Variants in PDE1A observed in about 807,000 individuals in gnomAD.
PDE1A encodes the protein phosphodiesterase 1A, also known as dual specificity calcium/calmodulin-dependent 3',5'-cyclic nucleotide phosphodiesterase 1A.
PDE1A carries 35 observed loss-of-function variants against 61.7 expected under a neutral mutation model. That is an observed-to-expected ratio of 0.57 (90% confidence interval 0.43 to 0.75). The LOEUF is 0.75. PDE1A is among the 30% of genes least tolerant of loss of function. The probability of loss-of-function intolerance (pLI) is 0.00; values close to 1 mark genes in which losing one functional copy is unlikely to be tolerated. For missense variants in PDE1A, 597 were observed against 630.6 expected (o/e 0.95, Z 0.57); for synonymous variants, 232 against 213.2 (o/e 1.09, Z -0.77).
At chr2:182,502,727 T>G (rs1689156527) in intron 2 of PDE1A, among the ~76,000 whole-genome samples, 1 of 152,080 alleles carries the variant, frequency 6.6e-6, no homozygotes. Flanking sequence ...AAATCAGACT[T>G]TTTTCATTTG....
At chr2:182,494,997 C>T (rs1688624049) in intron 2 of PDE1A, among the ~76,000 whole-genome samples, 1 of 152,160 alleles carries the variant, frequency 6.6e-6, no homozygotes, top group African/African-American at 2.4e-5. Flanking sequence ...CCATTAAGGA[C>T]TCCCTTTCTC....
the PDE1A span, among the ~76,000 whole-genome samples, chr2:182,620,175 A>ATTTC: frequency 7.9e-6 from 1 of 126,102 alleles, no homozygotes; most frequent in Admixed American, 9.5e-5. Context: ...TTTAAAATGT[A>ATTTC]TTTATTTCTT....
At chr2:182,555,508 G>T in the PDE1A span, among the ~76,000 whole-genome samples, 4 of 152,022 alleles carry the variant, frequency 2.6e-5, no homozygotes, top group Non-Finnish European at 5.9e-5. Flanking sequence ...AGTGAAAAAC[G>T]TCAACAATCT....
At chr2:182,440,539 T>A (rs1684721787) in intron 2 of PDE1A, among the ~76,000 whole-genome samples, 2 of 152,068 alleles carry the variant, frequency 1.3e-5, no homozygotes, top group East Asian at 3.9e-4. Flanking sequence ...TGTGTTTTCA[T>A]TTATGAAGAA....
At chr2:182,626,683 C>T in the PDE1A span, among the ~76,000 whole-genome samples, 188 of 70,990 alleles carry the variant, frequency 2.6e-3, 5 homozygotes, top group Admixed American at 0.014. Context: ...TAATTGCCTT[C>T]GAGAAAAAAA....
the PDE1A span, among the ~76,000 whole-genome samples, chr2:182,681,561 G>T: frequency 7.5e-6 from 1 of 132,602 alleles, no homozygotes; most frequent in Non-Finnish European, 1.6e-5. Context: ...ATTGCCAAAC[G>T]AGCACCTCTA....
the PDE1A span, among the ~76,000 whole-genome samples, chr2:182,678,811 G>C: frequency 6.6e-6 from 1 of 152,030 alleles, no homozygotes; most frequent in Non-Finnish European, 1.5e-5. Flanking sequence ...GAGGGGGAGA[G>C]GGAATGGAGA....
chr2:182,325,045 T>A (rs1348087295), intron 1 of PDE1A, among the ~76,000 whole-genome samples: 1 of 152,186 alleles, frequency 6.6e-6, no homozygotes, highest in Non-Finnish European at 1.5e-5. Flanking sequence ...TTCACTGCCC[T>A]TTTTCCTATC....
chr2:182,326,940 G>A (rs1697083759), intron 1 of PDE1A, among the ~76,000 whole-genome samples: 1 of 152,122 alleles, frequency 6.6e-6, no homozygotes, highest in South Asian at 2.1e-4. Flanking sequence ...ATGTAAACAA[G>A]ATATTATCTC....
At chr2:182,504,303 T>C (rs1279264082) in intron 2 of PDE1A, among the ~76,000 whole-genome samples, 2 of 152,234 alleles carry the variant, frequency 1.3e-5, no homozygotes, top group Non-Finnish European at 2.9e-5. Flanking sequence ...AGTGATTCCA[T>C]GTGATTTCTT....
chr2:182,543,093 T>C, the PDE1A span, among the ~76,000 whole-genome samples: 3 of 152,172 alleles, frequency 2.0e-5, no homozygotes, highest in Admixed American at 6.5e-5. Flanking sequence ...CAGGAAGCAG[T>C]GGGCACTGGA....
At chr2:182,537,279 A>C in the PDE1A span, among the ~76,000 whole-genome samples, 1 of 152,220 alleles carries the variant, frequency 6.6e-6, no homozygotes, top group Non-Finnish European at 1.5e-5. Context: ...GCAGAGAAAG[A>C]AAATGTGGCA....
intron 10 of PDE1A, among the ~76,000 whole-genome samples, chr2:182,192,439 G>C (rs80035473): frequency 0.03 from 4,613 of 152,022 alleles, 229 homozygotes; most frequent in African/African-American, 0.11. Context: ...AGATTAGTAG[G>C]GGGCCCTGTA....
At chr2:182,336,686 G>A (rs1222988082) in intron 1 of PDE1A, among the ~76,000 whole-genome samples, 1 of 152,036 alleles carries the variant, frequency 6.6e-6, no homozygotes, top group African/African-American at 2.4e-5. Flanking sequence ...GTTGATGGGT[G>A]CAGCAAACCA....
chr2:182,329,597 A>G (rs833171), intron 1 of PDE1A, among the ~76,000 whole-genome samples: 98,962 of 151,804 alleles, frequency 0.65, 33,816 homozygotes, highest in Middle Eastern at 0.79. Flanking sequence ...CACCATGTTG[A>G]TCAGGCTGGT....
intron 7 of PDE1A, among the ~76,000 whole-genome samples, chr2:182,222,582 T>C (rs1688818708): frequency 1.3e-5 from 2 of 152,042 alleles, no homozygotes; most frequent in African/African-American, 4.8e-5. Flanking sequence ...GGTTAATCAA[T>C]TGTAACAAAT....
At chr2:182,479,282 C>T (rs1687560318) in intron 2 of PDE1A, among the ~76,000 whole-genome samples, 1 of 151,790 alleles carries the variant, frequency 6.6e-6, no homozygotes, top group Admixed American at 6.6e-5. Context: ...AAGCAATATG[C>T]CTGTCATTAC....
chr2:182,434,494 C>A (rs1013196473), intron 2 of PDE1A, among the ~76,000 whole-genome samples: 1 of 152,192 alleles, frequency 6.6e-6, no homozygotes, highest in Middle Eastern at 3.4e-3. Flanking sequence ...TTTACTACAT[C>A]TTCAGATAGG....
intron 1 of PDE1A, among the ~76,000 whole-genome samples, chr2:182,265,677 C>A (rs78727082): frequency 6.6e-6 from 1 of 151,986 alleles, no homozygotes; most frequent in Admixed American, 6.6e-5. Context: ...TACAAATTAC[C>A]TTAACAAGTT....
Sources: gnomAD v4.1 joint callset for allele counts (sites outside exome capture counted in the v4.1 genomes callset) on GRCh38, gnomAD v4.1.1 for gene constraint, MANE v1.5 for transcripts, NCBI Gene and HGNC (gene_info 2026-07-23, HGNC 2026-07-21) for gene names.